SRBD1: variants seen among roughly 807,000 people sequenced by gnomAD.
SRBD1 encodes the protein S1 RNA binding domain 1, also known as S1 RNA-binding domain-containing protein 1.
In SRBD1, 88 loss-of-function variants were observed where a neutral mutation model predicts 115.3. That is an observed-to-expected ratio of 0.76 (90% CI 0.64 to 0.91). The LOEUF is 0.91. SRBD1 is among the 40% of genes least tolerant of loss of function. The pLI, the probability that SRBD1 is intolerant of heterozygous loss-of-function variation, is 0.00. For missense variants in SRBD1, 1,385 were observed against 1,177.4 expected (o/e 1.18, Z -2.58); for synonymous variants, 509 against 407.7 (o/e 1.25, Z -2.99).
At chr2:45,570,601 A>C (rs999431932) in intron 9 of SRBD1, among the ~76,000 whole-genome samples, 2 of 152,188 alleles carry the variant, frequency 1.3e-5, no homozygotes, top group African/African-American at 2.4e-5. Context: ...ACTTTTTCGC[A>C]ACTATGGAAT....
chr2:45,428,317 G>A (rs567146336), intron 16 of SRBD1, among the ~76,000 whole-genome samples: 2 of 152,122 alleles, frequency 1.3e-5, no homozygotes, highest in Admixed American at 6.5e-5. Context: ...TTGGGAGGCC[G>A]AGGCGGGCGG....
intron 12 of SRBD1, chr2:45,549,007 ACAGT>A (rs1377406296): frequency 6.6e-6 from 1 of 152,250 alleles, no homozygotes; most frequent in African/African-American, 2.4e-5. Flanking sequence ...GGAAATCTCA[ACAGT>A]CAGTTTGAGA....
At chr2:45,526,921 A>G (rs1671460302) in intron 14 of SRBD1, among the ~76,000 whole-genome samples, 1 of 151,892 alleles carries the variant, frequency 6.6e-6, no homozygotes, top group African/African-American at 2.4e-5. Flanking sequence ...AGAGATGTGA[A>G]AAAGAAGGGA....
At chr2:45,491,723 C>T (rs1038858056) in intron 14 of SRBD1, among the ~76,000 whole-genome samples, 2 of 152,202 alleles carry the variant, frequency 1.3e-5, no homozygotes, top group Non-Finnish European at 2.9e-5. Context: ...AAACCACACA[C>T]TTATAAAGTA....
At chr2:45,469,381 A>T (rs1669582423) in intron 16 of SRBD1, among the ~76,000 whole-genome samples, 1 of 152,202 alleles carries the variant, frequency 6.6e-6, no homozygotes, top group African/African-American at 2.4e-5. Flanking sequence ...ACTGAAATGG[A>T]TCTAGTTTCA....
intron 16 of SRBD1, among the ~76,000 whole-genome samples, chr2:45,444,647 T>A (rs558668269): frequency 2.0e-5 from 3 of 152,352 alleles, no homozygotes; most frequent in South Asian, 4.1e-4. Flanking sequence ...ATCCTTCTTC[T>A]TTAGTTAAAA....
At chr2:45,436,084 T>A (rs1433749867) in intron 16 of SRBD1, among the ~76,000 whole-genome samples, 1 of 152,046 alleles carries the variant, frequency 6.6e-6, no homozygotes, top group Non-Finnish European at 1.5e-5. Flanking sequence ...ATCTCAGGTA[T>A]GCAAGTCTGG....
intron 14 of SRBD1, among the ~76,000 whole-genome samples, chr2:45,527,363 T>A (rs1018546566): frequency 6.6e-6 from 1 of 151,820 alleles, no homozygotes; most frequent in Non-Finnish European, 1.5e-5. Context: ...ATATATTAAA[T>A]GTTATGGAAG....
intron 16 of SRBD1, among the ~76,000 whole-genome samples, chr2:45,421,502 G>A (rs1297393457): frequency 1.9e-5 from 1 of 53,402 alleles, no homozygotes. Flanking sequence ...GTGAGACTCC[G>A]TCTCAAACAA....
intron 19 of SRBD1, among the ~76,000 whole-genome samples, chr2:45,410,122 A>G (rs927592858): frequency 6.6e-6 from 1 of 152,222 alleles, no homozygotes; most frequent in Non-Finnish European, 1.5e-5. Context: ...CACAAAGAAG[A>G]TATAAAAATG....
chr2:45,521,842 C>A (rs1394320848), intron 14 of SRBD1, among the ~76,000 whole-genome samples: 1 of 152,006 alleles, frequency 6.6e-6, no homozygotes, highest in Admixed American at 6.6e-5. Flanking sequence ...GTGGCACGTG[C>A]CTCTAGTCCC....
Position 45,574,697 on chromosome 2 carries a change from T to C in SRBD1, c.1099A>G (p.Ile367Val). The change falls in exon 8 of 21, where the codon ATA (isoleucine) becomes GTA (valine). Residue 367 changes from isoleucine (I) to valine (V), a missense_variant. Physicochemically the swap from Ile to Val is conservative, Grantham distance 29. Coordinates refer to ENST00000263736, the MANE Select transcript of SRBD1 (RefSeq NM_018079.5). ...TCTGCTAAAATATGCTGCACTCCTA[T>C]TTCAATATCCTGAAGCGTTGAAAGC... ...KGLSTLQDIEIGVQHILADMI... is the reference protein window; with the variant it reads ...KGLSTLQDIEVGVQHILADMI... 1 of 1,613,692 alleles carries C rather than the reference T, an allele frequency of 6.2e-7. No individual in the cohort carries two copies. The highest frequency in any genetic ancestry group is 8.5e-7 in the Non-Finnish European group (1 of 1,179,824).
intron 16 of SRBD1, among the ~76,000 whole-genome samples, chr2:45,427,474 T>G (rs546459635): frequency 6.6e-6 from 1 of 152,210 alleles, no homozygotes; most frequent in South Asian, 2.1e-4. Flanking sequence ...GGGGTTGCAA[T>G]CCTAGTCTCT....
intron 14 of SRBD1, among the ~76,000 whole-genome samples, chr2:45,516,909 C>T (rs1410760884): frequency 1.3e-5 from 2 of 152,116 alleles, no homozygotes; most frequent in Non-Finnish European, 2.9e-5. Flanking sequence ...ATATGCTAGG[C>T]ACACTCTTAT....
chr2:45,603,962 C>T (rs549772814), intron 2 of SRBD1, among the ~76,000 whole-genome samples: 56 of 152,234 alleles, frequency 3.7e-4, no homozygotes, highest in African/African-American at 1.2e-3. Flanking sequence ...TTCCCGATTC[C>T]ACCACTCTCA....
intron 16 of SRBD1, chr2:45,448,022 C>T (rs1465735761): frequency 3.3e-5 from 5 of 152,078 alleles, no homozygotes; most frequent in Non-Finnish European, 2.9e-5. Flanking sequence ...TTAAATAATA[C>T]CATGTCGTTT....
At chr2:45,444,794 G>A (rs942769885) in intron 16 of SRBD1, among the ~76,000 whole-genome samples, 1 of 152,186 alleles carries the variant, frequency 6.6e-6, no homozygotes, top group Admixed American at 6.5e-5. Context: ...AGCCACTCAA[G>A]TTGGGGAACT....
intron 16 of SRBD1, among the ~76,000 whole-genome samples, chr2:45,437,186 CTA>C (rs762327116): frequency 2.6e-5 from 4 of 152,014 alleles, no homozygotes; most frequent in Non-Finnish European, 5.9e-5. Context: ...TTCTTCCCAT[CTA>C]TAGATTCAAC....
intron 16 of SRBD1, among the ~76,000 whole-genome samples, chr2:45,440,894 TTGTC>T (rs1668650431): frequency 6.6e-6 from 1 of 152,174 alleles, no homozygotes; most frequent in Admixed American, 6.5e-5. Flanking sequence ...TTTAAATTAT[TTGTC>T]TGTTTGAGGA....
Sources: gnomAD v4.1 joint callset for allele counts (sites outside exome capture counted in the v4.1 genomes callset) on GRCh38, gnomAD v4.1.1 for gene constraint, MANE v1.5 for transcripts, NCBI Gene and HGNC (gene_info 2026-07-23, HGNC 2026-07-21) for gene names.